TRIQK: variants seen among roughly 807,000 people sequenced by gnomAD.
TRIQK encodes the protein triple QxxK/R motif containing, also known as triple QxxK/R motif-containing protein.
A neutral mutation model predicts 10.8 loss-of-function variants in TRIQK; 10 were observed. The observed-to-expected ratio is 0.92, with a 90% CI of 0.57 to 1.57. TRIQK has a LOEUF of 1.57. Among genes scored for constraint, TRIQK ranks in the 40% most tolerant of loss-of-function variants. The probability of loss-of-function intolerance (pLI) is 0.00; values close to 1 mark genes in which losing one functional copy is unlikely to be tolerated. For missense variants in TRIQK, 107 were observed against 97.7 expected (o/e 1.09, Z -0.40); for synonymous variants, 33 against 33.7 (o/e 0.98, Z 0.07).
At chr8:92,966,907 A>T (rs1006482499), upstream of TRIQK, among the ~76,000 whole-genome samples, 1 of 151,208 alleles carries the variant, frequency 6.6e-6, no homozygotes, top group African/African-American at 2.4e-5. Flanking sequence ...TCTTGCTCAC[A>T]TAAAAGTCAC....
At chr8:93,001,018 G>A (rs1178384986) in intron 1 of TRIQK, among the ~76,000 whole-genome samples, 1 of 151,988 alleles carries the variant, frequency 6.6e-6, no homozygotes, top group Non-Finnish European at 1.5e-5. Context: ...TCAATTAAAA[G>A]GTATAGAGGC....
At chr8:92,905,484 A>T (rs1224293877) in intron 3 of TRIQK, among the ~76,000 whole-genome samples, 1 of 152,190 alleles carries the variant, frequency 6.6e-6, no homozygotes, top group African/African-American at 2.4e-5. Flanking sequence ...GATGGAGGAC[A>T]TTGCAATTGC....
chr8:92,933,397 T>C (rs1810829672), intron 2 of TRIQK, among the ~76,000 whole-genome samples: 1 of 152,150 alleles, frequency 6.6e-6, no homozygotes, highest in African/African-American at 2.4e-5. Context: ...CCTGTGCTCA[T>C]ATAGACCAAC....
chr8:92,893,320 T>G (rs1816853276), intron 3 of TRIQK, among the ~76,000 whole-genome samples: 2 of 152,040 alleles, frequency 1.3e-5, no homozygotes, highest in Non-Finnish European at 2.9e-5. Context: ...TTATGTCCAT[T>G]AGACACATAA....
chr8:92,939,786 A>G (rs1170571453), intron 2 of TRIQK, among the ~76,000 whole-genome samples: 3 of 152,138 alleles, frequency 2.0e-5, no homozygotes, highest in South Asian at 2.1e-4. Context: ...CAGCCACTCA[A>G]TTCAGCCTAA....
At chr8:92,923,169 T>A (rs1383401021) in intron 2 of TRIQK, among the ~76,000 whole-genome samples, 14 of 151,946 alleles carry the variant, frequency 9.2e-5, no homozygotes, top group Non-Finnish European at 2.1e-4. Context: ...CTTTAAAATG[T>A]TCTGACTTTT....
At chr8:92,946,227 A>T (rs1161679287) in intron 2 of TRIQK, among the ~76,000 whole-genome samples, 1 of 152,208 alleles carries the variant, frequency 6.6e-6, no homozygotes, top group East Asian at 1.9e-4. Context: ...CATTGCATTC[A>T]TGTTTAAAAT....
chr8:92,938,816 A>G lies in TRIQK; in HGVS notation c.-22+15590T>C, dbSNP rs960261602. Among the ~76,000 whole-genome samples the G allele has an allele frequency of 2.0e-5, 3 of 152,188 alleles. No individual in the cohort carries two copies. In the South Asian group the frequency reaches 6.2e-4, roughly 31 times the overall value. ...ACCATAAAGTGAAAGTTGTGACTCAAAAATTATACTTTTCACCACTAGAAG... is the reference window on the plus strand; with the variant it reads ...ACCATAAAGTGAAAGTTGTGACTCAGAAATTATACTTTTCACCACTAGAAG... On this transcript the variant is annotated intron_variant, in intron 2 of 4. Transcript: ENST00000521988.
intron 1 of TRIQK, among the ~76,000 whole-genome samples, chr8:93,000,177 AG>A (rs1172221206): frequency 1.3e-5 from 2 of 152,222 alleles, no homozygotes; most frequent in African/African-American, 4.8e-5. Flanking sequence ...ATATTTTCAA[AG>A]GATAACTTTC....
At chr8:92,980,325 T>C (rs1369502053) in intron 1 of TRIQK, among the ~76,000 whole-genome samples, 1 of 152,066 alleles carries the variant, frequency 6.6e-6, no homozygotes, top group Non-Finnish European at 1.5e-5. Context: ...GACTTGTTAA[T>C]ACTTTATGTT....
At chr8:92,927,570 A>G (rs1810507576) in intron 2 of TRIQK, among the ~76,000 whole-genome samples, 1 of 152,166 alleles carries the variant, frequency 6.6e-6, no homozygotes, top group African/African-American at 2.4e-5. Flanking sequence ...TATTATTGAG[A>G]TGGAGTAAGT....
intron 2 of TRIQK, among the ~76,000 whole-genome samples, chr8:92,932,998 G>C (rs534919307): frequency 1.3e-5 from 2 of 152,012 alleles, no homozygotes; most frequent in South Asian, 4.2e-4. Flanking sequence ...TTTCTCTAAG[G>C]GCCCACTTCC....
intron 1 of TRIQK, among the ~76,000 whole-genome samples, chr8:92,992,965 A>T (rs1813112653): frequency 6.6e-6 from 1 of 152,146 alleles, no homozygotes; most frequent in African/African-American, 2.4e-5. Context: ...AAGAATTGAG[A>T]TTTATTTCTT....
intron 2 of TRIQK, among the ~76,000 whole-genome samples, chr8:92,919,297 G>C (rs1810046011): frequency 6.6e-6 from 1 of 151,858 alleles, no homozygotes; most frequent in East Asian, 1.9e-4. Context: ...CATTAAATCA[G>C]TAGATCACTT....
At chr8:92,962,304 C>T (rs917594638) in intron 1 of TRIQK, among the ~76,000 whole-genome samples, 3 of 152,132 alleles carry the variant, frequency 2.0e-5, no homozygotes, top group African/African-American at 7.2e-5. Context: ...CACTTTGAGT[C>T]AAATCTACTG....
At chr8:92,911,265 A>T (rs1335653799) in intron 3 of TRIQK, among the ~76,000 whole-genome samples, 1 of 151,464 alleles carries the variant, frequency 6.6e-6, no homozygotes, top group Non-Finnish European at 1.5e-5. Context: ...AGATAAAAAA[A>T]ACTAATATTA....
intron 2 of TRIQK, among the ~76,000 whole-genome samples, chr8:92,946,905 G>A (rs1811567325): frequency 6.6e-6 from 1 of 151,636 alleles, no homozygotes; most frequent in Non-Finnish European, 1.5e-5. Context: ...GACCGCAGGC[G>A]CCTGCCACCA....
upstream of TRIQK, among the ~76,000 whole-genome samples, chr8:92,968,745 G>C (rs1812844583): frequency 6.6e-6 from 1 of 152,128 alleles, no homozygotes; most frequent in Admixed American, 6.5e-5. Flanking sequence ...CTCCCATTCT[G>C]TAGGTTGCCT....
intron 1 of TRIQK, among the ~76,000 whole-genome samples, chr8:92,982,426 G>A (rs924124589): frequency 2.6e-5 from 4 of 151,936 alleles, no homozygotes; most frequent in Admixed American, 6.6e-5. Flanking sequence ...ACTCAATAAA[G>A]TATTTTGTCA....
Sources: allele counts gnomAD v4.1 joint callset (sites outside exome capture counted in the v4.1 genomes callset), GRCh38; gene constraint gnomAD v4.1.1; transcripts MANE v1.5; gene names NCBI Gene and HGNC (gene_info 2026-07-23, HGNC 2026-07-21).